MSRB3: variants seen among roughly 807,000 people sequenced by gnomAD.
MSRB3 encodes methionine-R-sulfoxide reductase B3.
Under a neutral mutation model 21.0 loss-of-function variants are expected in MSRB3, and 13 were observed. That is an observed-to-expected ratio of 0.62 (90% CI 0.40 to 0.98). The LOEUF is 0.98. Among genes scored for constraint, MSRB3 ranks in the 50% least tolerant of loss-of-function variants. The probability of loss-of-function intolerance (pLI) is 0.00; values close to 1 mark genes in which losing one functional copy is unlikely to be tolerated. For synonymous variants in MSRB3, 87 were observed against 88.6 expected (o/e 0.98, Z 0.10); for missense variants, 199 against 230.3 (o/e 0.86, Z 0.88).
At chr12:65,441,999 G>C (rs186756148) in intron 5 of MSRB3, among the ~76,000 whole-genome samples, 1 of 152,138 alleles carries the variant, frequency 6.6e-6, no homozygotes, top group African/African-American at 2.4e-5. Flanking sequence ...TGTTTCTAAA[G>C]ATAGTTGAAA....
At chr12:65,425,900 A>G (rs1881575387) in intron 5 of MSRB3, among the ~76,000 whole-genome samples, 1 of 152,130 alleles carries the variant, frequency 6.6e-6, no homozygotes, top group African/African-American at 2.4e-5. Flanking sequence ...TCTGTTGCCC[A>G]GGCTGGAGTG....
intron 5 of MSRB3, among the ~76,000 whole-genome samples, chr12:65,447,681 G>A (rs1296816714): frequency 6.6e-6 from 1 of 152,178 alleles, no homozygotes; most frequent in African/African-American, 2.4e-5. Context: ...GGAGGCATAA[G>A]AGTAGGGAAC....
At chr12:65,358,837 A>G (rs1488324285) in intron 4 of MSRB3, among the ~76,000 whole-genome samples, 3 of 150,978 alleles carry the variant, frequency 2.0e-5, no homozygotes, top group South Asian at 2.1e-4. Context: ...CAAAATCACA[A>G]CTCCTTACAA....
intron 5 of MSRB3, among the ~76,000 whole-genome samples, chr12:65,383,252 A>G (rs971295170): frequency 2.0e-5 from 3 of 152,202 alleles, no homozygotes; most frequent in African/African-American, 4.8e-5. Context: ...AGCTTTGTGC[A>G]TTGCCTTGAA....
chr12:65,433,449 A>G (rs1217587724), intron 5 of MSRB3, among the ~76,000 whole-genome samples: 7 of 151,926 alleles, frequency 4.6e-5, no homozygotes, highest in Non-Finnish European at 1.5e-5. Flanking sequence ...CAGTGCAACC[A>G]CAATTTTCTA....
chr12:65,321,039 A>C (rs1034107555), intron 2 of MSRB3, among the ~76,000 whole-genome samples: 2 of 152,196 alleles, frequency 1.3e-5, no homozygotes, highest in African/African-American at 4.8e-5. Flanking sequence ...ATATCACCTC[A>C]GTGAGACTTC....
chr12:65,323,434 A>C (rs1455757918), intron 2 of MSRB3, among the ~76,000 whole-genome samples: 2 of 152,268 alleles, frequency 1.3e-5, no homozygotes, highest in Admixed American at 6.5e-5. Context: ...TTAGATACCA[A>C]AATGGCAATA....
At chr12:65,447,931 C>T (rs1271204615) in intron 5 of MSRB3, among the ~76,000 whole-genome samples, 1 of 152,000 alleles carries the variant, frequency 6.6e-6, no homozygotes, top group Non-Finnish European at 1.5e-5. Context: ...AGTCATAATC[C>T]AAACAAAAAT....
At chr12:65,414,125 C>T (rs575212452) in intron 5 of MSRB3, among the ~76,000 whole-genome samples, 6 of 152,210 alleles carry the variant, frequency 3.9e-5, no homozygotes, top group Non-Finnish European at 8.8e-5. Context: ...CTGAGTAAAA[C>T]AGGAAACCAC....
At chr12:65,448,620 G>A (rs955019268) in intron 5 of MSRB3, among the ~76,000 whole-genome samples, 14 of 152,110 alleles carry the variant, frequency 9.2e-5, no homozygotes, top group Admixed American at 8.5e-4. Flanking sequence ...TAATATGGTC[G>A]CCATTAGCTA....
At chr12:65,320,756 A>C (rs533823378) in intron 2 of MSRB3, among the ~76,000 whole-genome samples, 37 of 152,354 alleles carry the variant, frequency 2.4e-4, no homozygotes, top group Middle Eastern at 6.8e-3. Context: ...AAGTAAAAAA[A>C]GGTAATGCTA....
chr12:65,390,392 A>C (rs2136576048), intron 5 of MSRB3, among the ~76,000 whole-genome samples: 1 of 152,334 alleles, frequency 6.6e-6, no homozygotes, highest in African/African-American at 2.4e-5. Flanking sequence ...CCTAATAAAA[A>C]AAAATCAAAG....
intron 4 of MSRB3, among the ~76,000 whole-genome samples, chr12:65,341,343 GC>G (rs1368142901): frequency 6.6e-6 from 1 of 151,488 alleles, no homozygotes; most frequent in Non-Finnish European, 1.5e-5. Flanking sequence ...TTCTGTGGGT[GC>G]TAAAAATTAA....
intron 5 of MSRB3, among the ~76,000 whole-genome samples, chr12:65,424,688 A>G (rs1881486142): frequency 6.6e-6 from 1 of 151,852 alleles, no homozygotes; most frequent in African/African-American, 2.4e-5. Context: ...ATACAATTTC[A>G]GTTTTCTTAA....
At chr12:65,313,144 C>A (rs560450909) in intron 2 of MSRB3, among the ~76,000 whole-genome samples, 1 of 152,076 alleles carries the variant, frequency 6.6e-6, no homozygotes, top group Non-Finnish European at 1.5e-5. Context: ...TGAATAAGTA[C>A]GTAGTATACT....
chr12:65,356,338 C>T (rs1877383613), intron 4 of MSRB3, among the ~76,000 whole-genome samples: 2 of 151,928 alleles, frequency 1.3e-5, no homozygotes, highest in African/African-American at 4.8e-5. Context: ...GGGGCTGGGT[C>T]TTTTTCTGAT....
intron 5 of MSRB3, among the ~76,000 whole-genome samples, chr12:65,424,178 C>T (rs1051340141): frequency 6.6e-6 from 1 of 151,360 alleles, no homozygotes; most frequent in Admixed American, 6.6e-5. Flanking sequence ...TTGTGTAATA[C>T]CTCCTTTTTC....
At chr12:65,352,534 G>T (rs1877083410) in intron 4 of MSRB3, among the ~76,000 whole-genome samples, 1 of 151,946 alleles carries the variant, frequency 6.6e-6, no homozygotes, top group Non-Finnish European at 1.5e-5. Context: ...GTCCCTGTTT[G>T]CAGACGACAT....
chr12:65,323,410 G>A (rs780246857), intron 2 of MSRB3, among the ~76,000 whole-genome samples: 8 of 152,188 alleles, frequency 5.3e-5, no homozygotes, highest in Non-Finnish European at 1.0e-4. Flanking sequence ...ACTCTGTAAG[G>A]AACGGTGTTA....
Sources: allele counts gnomAD v4.1 joint callset (sites outside exome capture counted in the v4.1 genomes callset), GRCh38; gene constraint gnomAD v4.1.1; transcripts MANE v1.5; gene names NCBI Gene and HGNC (gene_info 2026-07-23, HGNC 2026-07-21).